Variants in GALNT2 observed in about 807,000 individuals in gnomAD.
GALNT2 encodes the protein UDP-GalNAc:polypeptide N-acetylgalactosaminyltransferase 2.
A neutral mutation model predicts 81.4 loss-of-function variants in GALNT2; 31 were observed. The observed-to-expected ratio is 0.38, with a 90% CI of 0.29 to 0.51. The LOEUF is 0.51. GALNT2 is among the 20% of genes least tolerant of loss of function. The probability of loss-of-function intolerance (pLI) is 0.87; values close to 1 mark genes in which losing one functional copy is unlikely to be tolerated. For synonymous variants in GALNT2, 303 were observed against 287.4 expected, an observed-to-expected ratio of 1.05 and a Z score of -0.55; for missense variants, 629 against 765.7, an observed-to-expected ratio of 0.82 and a Z score of 2.11.
chr1:230,087,416 T>TC (rs1290981439), intron 1 of GALNT2, among the ~76,000 whole-genome samples: 1 of 152,136 alleles, frequency 6.6e-6, no homozygotes, highest in Non-Finnish European at 1.5e-5. Flanking sequence ...GTCCTCCACT[T>TC]CCCCCATCTT....
chr1:230,211,814 A>G (rs2102714333), intron 3 of GALNT2, among the ~76,000 whole-genome samples: 1 of 152,310 alleles, frequency 6.6e-6, no homozygotes, highest in East Asian at 1.9e-4. Context: ...ACACTCCTGT[A>G]AAGTGGGTAG....
At chr1:230,110,789 T>C (rs967091286) in intron 1 of GALNT2, among the ~76,000 whole-genome samples, 3 of 149,108 alleles carry the variant, frequency 2.0e-5, no homozygotes, top group African/African-American at 7.4e-5. Flanking sequence ...TGCAAATACA[T>C]TGAGCATGAG....
intron 1 of GALNT2, among the ~76,000 whole-genome samples, chr1:230,122,783 G>A (rs576170559): frequency 6.6e-6 from 1 of 152,136 alleles, no homozygotes; most frequent in Non-Finnish European, 1.5e-5. Flanking sequence ...TGAATCTGTG[G>A]TGTATATATA....
chr1:230,249,096 C>T (rs796077715), intron 8 of GALNT2, 88 bp from the exon 9 acceptor site: 10 of 1,276,284 alleles, frequency 7.8e-6, no homozygotes, highest in African/African-American at 4.4e-5. Flanking sequence ...GTCCAAACAT[C>T]GAATATTTTT....
At chr1:230,198,747 CT>C (rs1157845461) in intron 2 of GALNT2, among the ~76,000 whole-genome samples, 1 of 152,150 alleles carries the variant, frequency 6.6e-6, no homozygotes, top group Non-Finnish European at 1.5e-5. Context: ...GGTTTCAAGG[CT>C]GGTAAGGTCA....
At chr1:230,197,750 C>CTG (rs143846573) in intron 2 of GALNT2, among the ~76,000 whole-genome samples, 16 of 151,304 alleles carry the variant, frequency 1.1e-4, no homozygotes, top group Non-Finnish European at 1.6e-4. Flanking sequence ...ATTTTGTGCT[C>CTG]TGTGTGTGTG....
Position 230,274,516 on chromosome 1 carries a change from G to A in GALNT2, c.1512G>A (p.Pro504=), listed in dbSNP as rs531143859. ...DLCLTVVDRA[P]GSLIKLQGCR... ...GCCTTACTGTGGTGGACCGGGCACC[G>A]GGCTCTCTTATAAAGCTGCAGGGCT... is the stretch of plus-strand genomic sequence containing the variant. Residue 504 remains proline, a synonymous_variant, in exon 15 of 16, where the codon CCG becomes CCA. Transcript: ENST00000366672. The A allele has an allele frequency of 5.6e-5, 90 of 1,614,004 alleles. No homozygotes were observed. Among genetic ancestry groups the A allele is most frequent in the South Asian group, 1.3e-4 (12 of 91,044 alleles).
At chr1:230,179,863 C>A (rs1663103570) in intron 2 of GALNT2, among the ~76,000 whole-genome samples, 1 of 152,276 alleles carries the variant, frequency 6.6e-6, no homozygotes, top group Admixed American at 6.5e-5. Flanking sequence ...TTCACCATGA[C>A]AAAAAGGTCA....
intron 3 of GALNT2, among the ~76,000 whole-genome samples, chr1:230,233,968 G>C (rs1572116269): frequency 6.6e-6 from 1 of 152,150 alleles, no homozygotes. Flanking sequence ...AGGGTCTCGG[G>C]GAGGTGGCAA....
intron 1 of GALNT2, chr1:230,091,472 G>T (rs149076579): frequency 6.6e-6 from 1 of 152,040 alleles, no homozygotes; most frequent in Non-Finnish European, 1.5e-5. Flanking sequence ...TTGATGCATC[G>T]GCCTTCTCGT....
intron 1 of GALNT2, among the ~76,000 whole-genome samples, chr1:230,114,677 G>A (rs1336630273): frequency 1.3e-5 from 2 of 152,114 alleles, no homozygotes. Flanking sequence ...CCCAGTAAAC[G>A]CACTCAGCTC....
chr1:230,280,574 C>G lies in GALNT2; in HGVS notation c.*1116C>G, dbSNP rs3213497. On this transcript the variant is annotated 3_prime_UTR_variant, in exon 16 of 16. Transcript: ENST00000366672. ...GCTTCATTGTGATCTGAGCCCTGCA[C>G]GCTGGGCCTTCAGAATTAATGGCCA... is the stretch of plus-strand genomic sequence containing the variant. 2 of 153,798 alleles carry G rather than the reference C, an allele frequency of 1.3e-5. No individual in the cohort carries two copies. 9.5% of individuals were successfully genotyped at this position (153,798 alleles called of 1,614,324 possible). A position where few individuals can be genotyped will look rare whatever the true frequency, so the allele number is the denominator to read the frequency against.
At chr1:230,244,615 A>G (rs537123805) in intron 7 of GALNT2, among the ~76,000 whole-genome samples, 1 of 152,330 alleles carries the variant, frequency 6.6e-6, no homozygotes, top group East Asian at 1.9e-4. Context: ...TCAGATTGTC[A>G]GAACTGCTTC....
At chr1:230,264,365 C>G (rs549327175) in intron 13 of GALNT2, 1 of 152,240 alleles carries the variant, frequency 6.6e-6, no homozygotes, top group Non-Finnish European at 1.5e-5. Flanking sequence ...TGGATTTTAA[C>G]CCAACCATGC....
chr1:230,099,174 C>T (rs547362985), intron 1 of GALNT2, among the ~76,000 whole-genome samples: 3 of 152,340 alleles, frequency 2.0e-5, no homozygotes, highest in Non-Finnish European at 4.4e-5. Flanking sequence ...GCTCCATGTG[C>T]TCTGTGCCTG....
At chr1:230,172,416 CGT>C (rs1662823678) in intron 1 of GALNT2, among the ~76,000 whole-genome samples, 1 of 152,212 alleles carries the variant, frequency 6.6e-6, no homozygotes, top group South Asian at 2.1e-4. Context: ...CATTAGAAAT[CGT>C]GGGCCAGAAC....
chr1:230,265,434 G>A, intron 14 of GALNT2, 67 bp downstream of exon 14: 1 of 1,602,252 alleles, frequency 6.2e-7, no homozygotes, highest in Non-Finnish European at 8.5e-7. Context: ...GGGTCCTGAT[G>A]TTAGAAGTCC....
intron 2 of GALNT2, 56 bp from the exon 3 acceptor site, chr1:230,203,081 G>C: frequency 6.4e-7 from 1 of 1,562,170 alleles, no homozygotes; most frequent in Non-Finnish European, 8.7e-7. Context: ...CAGTCTCTGT[G>C]ATGAGCACTT....
intron 1 of GALNT2, among the ~76,000 whole-genome samples, chr1:230,104,899 C>T (rs747964952): frequency 2.0e-5 from 3 of 152,332 alleles, no homozygotes; most frequent in South Asian, 2.1e-4. Flanking sequence ...GCAGTCCCCC[C>T]GTTCTAAGCG....
Sources: allele counts gnomAD v4.1 joint callset (sites outside exome capture counted in the v4.1 genomes callset), GRCh38; gene constraint gnomAD v4.1.1; transcripts MANE v1.5; gene names NCBI Gene and HGNC (gene_info 2026-07-23, HGNC 2026-07-21).